Variants in PDLIM5 observed in about 807,000 individuals in gnomAD.
PDLIM5 encodes the protein PDZ and LIM domain 5.
Under a neutral mutation model 64.2 loss-of-function variants are expected in PDLIM5, and 34 were observed. The observed-to-expected ratio is 0.53, with a 90% CI of 0.40 to 0.71. The LOEUF is 0.71. Ranked by LOEUF, PDLIM5 falls within the 30% of genes least tolerant of loss-of-function variation. PDLIM5 has a pLI of 0.00. For synonymous variants in PDLIM5, 253 were observed against 269.1 expected (o/e 0.94, Z 0.59); for missense variants, 683 against 733.6 (o/e 0.93, Z 0.80).
intron 3 of PDLIM5, among the ~76,000 whole-genome samples, chr4:94,543,035 G>GTCAT (rs1253267640): frequency 6.6e-6 from 1 of 152,176 alleles, no homozygotes; most frequent in East Asian, 1.9e-4. Context: ...TTCATTAGTA[G>GTCAT]TCATTACTCG....
chr4:94,452,810 C>T (rs982579097), intron 1 of PDLIM5, among the ~76,000 whole-genome samples: 5 of 152,184 alleles, frequency 3.3e-5, no homozygotes, highest in Admixed American at 1.3e-4. Flanking sequence ...TCTGAACCCG[C>T]CTGCCACGGA....
chr4:94,581,659 G>A (rs1178177750), intron 5 of PDLIM5, among the ~76,000 whole-genome samples: 2 of 152,114 alleles, frequency 1.3e-5, no homozygotes, highest in Non-Finnish European at 2.9e-5. Flanking sequence ...AAAACTGGTA[G>A]GCAGTTTTTC....
intron 3 of PDLIM5, among the ~76,000 whole-genome samples, chr4:94,561,685 G>A (rs932114616): frequency 1.3e-5 from 2 of 152,122 alleles, no homozygotes; most frequent in African/African-American, 4.8e-5. Flanking sequence ...GCCAAAGTAA[G>A]GAAGACTCAG....
chr4:94,547,619 G>A (rs1469975302), intron 3 of PDLIM5, among the ~76,000 whole-genome samples: 2 of 152,172 alleles, frequency 1.3e-5, no homozygotes, highest in African/African-American at 4.8e-5. Context: ...GATTAGGACA[G>A]GGACATCTTT....
intron 7 of PDLIM5, chr4:94,586,958 T>C (rs760429331): frequency 2.7e-5 from 3 of 110,846 alleles, no homozygotes; most frequent in Non-Finnish European, 4.2e-5. Context: ...TCTATCACTC[T>C]TTTTTTTTTT....
At chr4:94,648,338 G>A (rs771664836) in intron 9 of PDLIM5, among the ~76,000 whole-genome samples, 4 of 150,580 alleles carry the variant, frequency 2.7e-5, no homozygotes, top group Non-Finnish European at 5.9e-5. Flanking sequence ...TTTTTGTTTT[G>A]AGACTGAGTC....
chr4:94,452,125 G>A (rs928406093), intron 1 of PDLIM5, 130 bp downstream of exon 1: 10 of 152,586 alleles, frequency 6.6e-5, no homozygotes, highest in Non-Finnish European at 1.5e-4. Context: ...CCTCGGGCAG[G>A]GATGGCTCCT....
chr4:94,479,115 G>A (rs1725614396), intron 2 of PDLIM5, among the ~76,000 whole-genome samples: 1 of 151,304 alleles, frequency 6.6e-6, no homozygotes, highest in South Asian at 2.1e-4. Context: ...GCCCAGGCTG[G>A]CCTCAAACTC....
intron 7 of PDLIM5, among the ~76,000 whole-genome samples, chr4:94,594,076 G>T (rs181718502): frequency 5.3e-5 from 8 of 152,146 alleles, no homozygotes; most frequent in African/African-American, 1.9e-4. Flanking sequence ...ATATAAGTTC[G>T]ATATAAATAT....
chr4:94,593,893 G>A (rs979695662), intron 7 of PDLIM5, among the ~76,000 whole-genome samples: 1 of 152,086 alleles, frequency 6.6e-6, no homozygotes, highest in Non-Finnish European at 1.5e-5. Flanking sequence ...ACAGGTATCT[G>A]TCTCCATATT....
chr4:94,544,814 C>A (rs1318795812), intron 3 of PDLIM5, among the ~76,000 whole-genome samples: 1 of 152,200 alleles, frequency 6.6e-6, no homozygotes, highest in Non-Finnish European at 1.5e-5. Context: ...TACCACCATG[C>A]CCGGCTAATA....
rs142764201 is a variant in PDLIM5, at chr4:94,555,163, C to T, written c.249-18188C>T. 1.2e-4 allele frequency among the ~76,000 whole-genome samples: 19 copies of T among 152,288 alleles called. No homozygotes were observed. In the East Asian group the frequency reaches 3.5e-3, roughly 28 times the overall value. On this transcript the variant is annotated intron_variant, in intron 3 of 12. Transcript: ENST00000317968. ...CCGCCTCCCGGGTTCAAGTGATTCTCCCGCCTCAACCTCTTGAGTAGCTGG... is the reference window on the plus strand; with the variant it reads ...CCGCCTCCCGGGTTCAAGTGATTCTTCCGCCTCAACCTCTTGAGTAGCTGG...
intron 5 of PDLIM5, among the ~76,000 whole-genome samples, chr4:94,581,430 G>A (rs1425640576): frequency 6.6e-6 from 1 of 152,054 alleles, no homozygotes; most frequent in Admixed American, 6.6e-5. Context: ...CTCTGTTCAG[G>A]ATGAGGTTAT....
At chr4:94,621,583 G>T (rs1339081214) in intron 8 of PDLIM5, among the ~76,000 whole-genome samples, 1 of 152,200 alleles carries the variant, frequency 6.6e-6, no homozygotes, top group Non-Finnish European at 1.5e-5. Flanking sequence ...TTTATATACG[G>T]CCTTTGGAAG....
At chr4:94,611,225 G>A in intron 7 of PDLIM5, 1 of 1,526,642 alleles carries the variant, frequency 6.6e-7, no homozygotes, top group Non-Finnish European at 8.8e-7. Context: ...GATATGGCAA[G>A]TGGTGGTTCG....
chr4:94,600,291 T>C (rs559730331), intron 7 of PDLIM5, among the ~76,000 whole-genome samples: 10 of 152,306 alleles, frequency 6.6e-5, no homozygotes, highest in African/African-American at 1.7e-4. Context: ...GTTTGGGACA[T>C]ATGATCCAGA....
At chr4:94,591,486 G>A (rs964030307) in intron 7 of PDLIM5, among the ~76,000 whole-genome samples, 7 of 152,308 alleles carry the variant, frequency 4.6e-5, no homozygotes, top group African/African-American at 1.2e-4. Context: ...GCTGATGGGA[G>A]TGTCGTAGGC....
At chr4:94,552,598 T>C (rs1426244228) in intron 3 of PDLIM5, among the ~76,000 whole-genome samples, 2 of 152,178 alleles carry the variant, frequency 1.3e-5, no homozygotes, top group East Asian at 1.9e-4. Context: ...CATTGACCAA[T>C]TGAGTGCAGA....
intron 2 of PDLIM5, among the ~76,000 whole-genome samples, chr4:94,467,847 A>G (rs918231489): frequency 2.0e-5 from 3 of 152,204 alleles, no homozygotes; most frequent in African/African-American, 7.2e-5. Flanking sequence ...CAGCCTTTCA[A>G]ACAGGGGAAT....
Sources: allele counts gnomAD v4.1 joint callset (sites outside exome capture counted in the v4.1 genomes callset), GRCh38; gene constraint gnomAD v4.1.1; transcripts MANE v1.5; gene names NCBI Gene and HGNC (gene_info 2026-07-23, HGNC 2026-07-21).